Variants in CFI observed in about 807,000 individuals in gnomAD.
The protein encoded by CFI is C3B/C4B inactivator.
In CFI, 66 loss-of-function variants were observed where a neutral mutation model predicts 78.8. That is an observed-to-expected ratio of 0.84 (90% confidence interval 0.69 to 1.03). The LOEUF is 1.03. CFI is among the 50% of genes least tolerant of loss of function. CFI has a pLI of 0.00. For synonymous variants in CFI, 250 were observed against 232.6 expected (o/e 1.07, Z -0.68); for missense variants, 706 against 704.5 (o/e 1.00, Z -0.02).
chr4:109,779,275 T>C (rs979392171), intron 1 of CFI, among the ~76,000 whole-genome samples: 1 of 152,124 alleles, frequency 6.6e-6, no homozygotes, highest in Non-Finnish European at 1.5e-5. Context: ...GATAAGCAAT[T>C]TCAGCAAAGT....
intron 1 of CFI, among the ~76,000 whole-genome samples, chr4:109,784,868 T>C (rs1217288107): frequency 6.8e-6 from 1 of 147,068 alleles, no homozygotes; most frequent in Non-Finnish European, 1.5e-5. Context: ...CCTGCACGTA[T>C]ACATCCAGAT....
At chr4:109,771,948 G>T (rs572712544) in intron 1 of CFI, among the ~76,000 whole-genome samples, 2 of 152,106 alleles carry the variant, frequency 1.3e-5, no homozygotes, top group Non-Finnish European at 2.9e-5. Flanking sequence ...TTGAAACAAG[G>T]TTGAGGAGGG....
At chr4:109,732,526 A>C in the CFI span, among the ~76,000 whole-genome samples, 1 of 152,212 alleles carries the variant, frequency 6.6e-6, no homozygotes, top group Non-Finnish European at 1.5e-5. Context: ...GCTCAGTGCA[A>C]AATAAAAATA....
intron 1 of CFI, among the ~76,000 whole-genome samples, chr4:109,787,917 G>C (rs912091167): frequency 2.5e-4 from 38 of 151,882 alleles, no homozygotes; most frequent in Non-Finnish European, 5.2e-4. Context: ...TGTTCAAACA[G>C]GTTCAAAAAT....
At chr4:109,791,729 T>G (rs78777920) in intron 1 of CFI, among the ~76,000 whole-genome samples, 2,373 of 152,298 alleles carry the variant, frequency 0.016, 74 homozygotes, top group African/African-American at 0.054. Flanking sequence ...TTTGTCAGAT[T>G]TGTAGAAGAT....
At chr4:109,789,997 T>C (rs115490304) in intron 1 of CFI, among the ~76,000 whole-genome samples, 1 of 152,212 alleles carries the variant, frequency 6.6e-6, no homozygotes, top group African/African-American at 2.4e-5. Flanking sequence ...TTTTACTTGC[T>C]ATAGGTCTGT....
chr4:109,783,515 A>T (rs978495520), intron 1 of CFI, among the ~76,000 whole-genome samples: 3 of 151,830 alleles, frequency 2.0e-5, no homozygotes, highest in Admixed American at 2.0e-4. Flanking sequence ...ATAAAAAAAT[A>T]AAAAAATAGT....
rs901929387 is a variant in CFI at position 109,761,497 on chromosome 4, C to T, written c.658+20G>A. On this transcript the variant is annotated intron_variant, in intron 4 of 12. Transcript: ENST00000394634. Reference sequence around the variant, plus strand: ...ACAACCTTCAAGGAAGGGAAAATAACAGGCAAATACTCCACCAACCTGCTT... The same window carrying T: ...ACAACCTTCAAGGAAGGGAAAATAATAGGCAAATACTCCACCAACCTGCTT... 1 of 1,612,616 alleles carries T rather than the reference C, an allele frequency of 6.2e-7. No individual in the cohort carries two copies. The highest frequency in any genetic ancestry group is 8.5e-7 in the Non-Finnish European group (1 of 1,178,712).
At chr4:109,737,013 A>G (rs1332764056), downstream of CFI, among the ~76,000 whole-genome samples, 1 of 152,106 alleles carries the variant, frequency 6.6e-6, no homozygotes, top group Non-Finnish European at 1.5e-5. Context: ...TTTGTCCCCA[A>G]ATGCCATCTA....
At chr4:109,748,100 T>C (rs1308356274) in intron 10 of CFI, among the ~76,000 whole-genome samples, 1 of 152,148 alleles carries the variant, frequency 6.6e-6, no homozygotes, top group Non-Finnish European at 1.5e-5. Context: ...AGAATTTATC[T>C]TTACATAAGG....
At chr4:109,789,992 C>T (rs1306425324) in intron 1 of CFI, among the ~76,000 whole-genome samples, 1 of 151,968 alleles carries the variant, frequency 6.6e-6, no homozygotes, top group East Asian at 1.9e-4. Flanking sequence ...AATACTTTTA[C>T]TTGCTATAGG....
At chr4:109,748,013 A>G (rs1210089830) in intron 10 of CFI, among the ~76,000 whole-genome samples, 1 of 152,184 alleles carries the variant, frequency 6.6e-6, no homozygotes, top group African/African-American at 2.4e-5. Flanking sequence ...GCCACAGATC[A>G]GTACTTGTCT....
chr4:109,748,195 T>C (rs2126189295), intron 10 of CFI, among the ~76,000 whole-genome samples: 1 of 152,340 alleles, frequency 6.6e-6, no homozygotes, highest in African/African-American at 2.4e-5. Context: ...GTTCCAAGAA[T>C]ACTGTCCTTC....
Position 109,766,760 on chromosome 4 carries a change from A to T in CFI, c.122T>A (p.Leu41His), listed in dbSNP as rs754932456. 6.2e-7 allele frequency: 1 copy of T among 1,614,146 alleles called. No individual in the cohort carries two copies. Among genetic ancestry groups the T allele is most frequent in the African/African-American group, 1.3e-5 (1 of 75,040 alleles). Residue 41 changes from leucine (L) to histidine (H), a missense_variant, in exon 2 of 13, where the codon CTC becomes CAC. Leu to His is a moderately conservative substitution (Grantham distance 99). Coordinates refer to ENST00000394634, the MANE Select transcript of CFI (RefSeq NM_000204.5). ...KKCLAKKYTH[L>H]SCDKVFCQPW... ...CTGGCAGAAGACTTTATCGCAGGAGAGGTGAGTATATTTTTTTGCTAAGCA... is the reference window on the plus strand; with the variant it reads ...CTGGCAGAAGACTTTATCGCAGGAGTGGTGAGTATATTTTTTTGCTAAGCA...
intron 1 of CFI, among the ~76,000 whole-genome samples, chr4:109,768,278 CAAAA>C (rs59449659): frequency 4.6e-5 from 4 of 87,120 alleles, no homozygotes; most frequent in Non-Finnish European, 4.4e-5. Context: ...ACTTAAAGTA[CAAAA>C]AAAAAAAAAA....
At chr4:109,752,431 A>G in intron 8 of CFI, 37 bp downstream of exon 8, 1 of 1,604,430 alleles carries the variant, frequency 6.2e-7, no homozygotes, top group Non-Finnish European at 8.5e-7. Flanking sequence ...AGCCTAAACC[A>G]GTGAGCCACC....
intron 1 of CFI, among the ~76,000 whole-genome samples, chr4:109,799,870 G>A (rs1339301035): frequency 1.3e-5 from 2 of 152,168 alleles, no homozygotes; most frequent in Non-Finnish European, 2.9e-5. Context: ...AAATTAGGGA[G>A]GGTATGGGGC....
chr4:109,757,527 A>G (rs1426322674), intron 7 of CFI, among the ~76,000 whole-genome samples: 1 of 152,168 alleles, frequency 6.6e-6, no homozygotes, highest in Non-Finnish European at 1.5e-5. Context: ...TGAAATGTGC[A>G]GGGAAGAGTC....
downstream of CFI, among the ~76,000 whole-genome samples, chr4:109,738,350 G>T (rs1418348821): frequency 6.6e-6 from 1 of 152,014 alleles, no homozygotes; most frequent in Non-Finnish European, 1.5e-5. Flanking sequence ...GACCTCAAAT[G>T]ATCCACCAAC....
Sources: gnomAD v4.1 joint callset for allele counts (sites outside exome capture counted in the v4.1 genomes callset) on GRCh38, gnomAD v4.1.1 for gene constraint, MANE v1.5 for transcripts, NCBI Gene and HGNC (gene_info 2026-07-23, HGNC 2026-07-21) for gene names.